The following PALLD variants were observed in gnomAD, a reference collection of about 807,000 sequenced individuals.
PALLD encodes the protein palladin, cytoskeletal associated protein.
Under a neutral mutation model 123.5 loss-of-function variants are expected in PALLD, and 61 were observed. The observed-to-expected ratio is 0.49, with a 90% CI of 0.40 to 0.61. PALLD has a LOEUF of 0.61. PALLD is among the 20% of genes least tolerant of loss of function. PALLD has a pLI of 0.00. For synonymous variants in PALLD, 465 were observed against 496.4 expected (o/e 0.94, Z 0.84); for missense variants, 1,273 against 1,377.0 (o/e 0.92, Z 1.20).
At chr4:168,680,016 C>T (rs974699968) in intron 3 of PALLD, among the ~76,000 whole-genome samples, 3 of 152,086 alleles carry the variant, frequency 2.0e-5, no homozygotes, top group African/African-American at 7.2e-5. Context: ...AAACATATCA[C>T]AGTAGAGTCA....
intron 2 of PALLD, among the ~76,000 whole-genome samples, chr4:168,541,608 A>T (rs2149510653): frequency 6.6e-6 from 1 of 152,024 alleles, no homozygotes; most frequent in Admixed American, 6.6e-5. Context: ...TCGCCACCAC[A>T]CCTGGCTAAT....
At chr4:168,606,663 C>CAAA (rs70961540) in intron 2 of PALLD, among the ~76,000 whole-genome samples, 10 of 92,070 alleles carry the variant, frequency 1.1e-4, no homozygotes, top group African/African-American at 2.5e-4. Context: ...GACTCCGTCT[C>CAAA]AAAAAAAAAA....
chr4:168,638,508 C>G (rs1194113368), intron 2 of PALLD, among the ~76,000 whole-genome samples: 1 of 152,162 alleles, frequency 6.6e-6, no homozygotes, highest in Non-Finnish European at 1.5e-5. Context: ...TCATCTTAAT[C>G]CATAGTTTAG....
rs187283355 is a variant in PALLD at position 168,755,499 on chromosome 4, G to A, written c.1964+43576G>A. Among the ~76,000 whole-genome samples the A allele has an allele frequency of 1.5e-4, 23 of 152,212 alleles. No homozygotes were observed. The East Asian group carries it at 4.3e-3, about 28-fold the overall frequency. On this transcript the variant is annotated intron_variant, in intron 10 of 21. Coordinates refer to ENST00000505667, the MANE Select transcript of PALLD (RefSeq NM_001166108.2). Reference sequence around the variant, plus strand: ...CTGTCAGAGTACATAGGGCATGATGGGGAAGGGGGATACAGTAGAAGATGA... The same window carrying A: ...CTGTCAGAGTACATAGGGCATGATGAGGAAGGGGGATACAGTAGAAGATGA...
chr4:168,883,075 C>CGA (rs1553966869), intron 10 of PALLD, among the ~76,000 whole-genome samples: 1 of 144,540 alleles, frequency 6.9e-6, no homozygotes, highest in Non-Finnish European at 1.5e-5. Flanking sequence ...GGTGACAGAG[C>CGA]AAAACTCTGT....
intron 2 of PALLD, among the ~76,000 whole-genome samples, chr4:168,614,824 C>T (rs1301054226): frequency 6.6e-6 from 1 of 152,168 alleles, no homozygotes; most frequent in Admixed American, 6.6e-5. Context: ...CGTTCCTCCC[C>T]AGTCCTGCAC....
intron 2 of PALLD, among the ~76,000 whole-genome samples, chr4:168,633,456 C>G (rs1438346604): frequency 6.6e-6 from 1 of 152,192 alleles, no homozygotes; most frequent in Non-Finnish European, 1.5e-5. Flanking sequence ...CTGAAAAGAT[C>G]ATAACTAGTA....
intron 10 of PALLD, among the ~76,000 whole-genome samples, chr4:168,761,654 T>TTTTTTTTTTTTTTTTTTTTTTTTTTTG (rs1732913577): frequency 2.6e-5 from 1 of 38,792 alleles, no homozygotes; most frequent in African/African-American, 1.1e-4. Flanking sequence ...TGTTTTTTTT[T>TTTTTTTTTTTTTTTTTTTTTTTTTTTG]TTTTTTTTTT....
chr4:168,690,804 A>C (rs1361577805), intron 7 of PALLD, 60 bp downstream of exon 7: 5 of 1,538,834 alleles, frequency 3.2e-6, no homozygotes, highest in Non-Finnish European at 4.5e-6. Flanking sequence ...GCTTCAAGAA[A>C]ACCAAGAAGG....
rs187071873 is a variant in PALLD at position 168,587,594 on chromosome 4, C to T, written c.908+75182C>T. On this transcript the variant is annotated intron_variant, in intron 2 of 21. Coordinates refer to ENST00000505667, the MANE Select transcript of PALLD (RefSeq NM_001166108.2). ...CTGTGCCAGCATCTCCCAACTTTTC[C>T]GTTTTTTCTCAAACCTCAGCTTGCC... Among the ~76,000 whole-genome samples the T allele has an allele frequency of 3.2e-4, 49 of 152,202 alleles. No individual in the cohort carries two copies. The East Asian group carries it at 6.6e-3, about 20-fold the overall frequency.
At chr4:168,753,964 G>T (rs1049886827) in intron 10 of PALLD, among the ~76,000 whole-genome samples, 4 of 152,088 alleles carry the variant, frequency 2.6e-5, no homozygotes, top group African/African-American at 9.7e-5. Flanking sequence ...GAGGTAATAG[G>T]TTATGCAACA....
At chr4:168,725,522 C>CTTTTTTTTT (rs1210834634) in intron 10 of PALLD, among the ~76,000 whole-genome samples, 30 of 91,656 alleles carry the variant, frequency 3.3e-4, no homozygotes, top group Non-Finnish European at 4.5e-4. Flanking sequence ...TCTTTAATTT[C>CTTTTTTTTT]TTTTTTTTTT....
chr4:168,663,649 C>T (rs1779338647), intron 2 of PALLD, among the ~76,000 whole-genome samples: 1 of 152,126 alleles, frequency 6.6e-6, no homozygotes. Flanking sequence ...CAGCAATGTC[C>T]TAGATGCAAA....
chr4:168,894,422 C>T, intron 11 of PALLD, 157 bp from the exon 12 acceptor site: 1 of 667,464 alleles, frequency 1.5e-6, no homozygotes, highest in Non-Finnish European at 2.7e-6. Flanking sequence ...GGTAGAACAA[C>T]TGAAGCAAGA....
intron 15 of PALLD, among the ~76,000 whole-genome samples, chr4:168,912,962 A>C (rs1279407603): frequency 6.6e-6 from 1 of 152,110 alleles, no homozygotes; most frequent in Admixed American, 6.6e-5. Flanking sequence ...TATGACCCAC[A>C]TATTTTAGGT....
intron 2 of PALLD, among the ~76,000 whole-genome samples, chr4:168,654,397 A>G (rs1425931957): frequency 2.0e-5 from 3 of 152,182 alleles, no homozygotes; most frequent in African/African-American, 7.2e-5. Context: ...TACAGGATAT[A>G]AGCACAAAAT....
At chr4:168,704,296 G>A (rs914438501) in intron 8 of PALLD, among the ~76,000 whole-genome samples, 1 of 152,012 alleles carries the variant, frequency 6.6e-6, no homozygotes, top group African/African-American at 2.4e-5. Flanking sequence ...GAAAACCTAG[G>A]CATTACCATT....
intron 2 of PALLD, among the ~76,000 whole-genome samples, chr4:168,606,470 C>G (rs568163492): frequency 8.7e-5 from 13 of 149,754 alleles, no homozygotes; most frequent in East Asian, 3.9e-4. Context: ...GTCAGGAGAT[C>G]GAGACCATCC....
intron 10 of PALLD, among the ~76,000 whole-genome samples, chr4:168,738,656 C>T (rs1183968250): frequency 7.0e-6 from 1 of 142,926 alleles, no homozygotes; most frequent in Non-Finnish European, 1.5e-5. Context: ...GCCTCGATCT[C>T]CTGACCTCAG....
Sources: allele counts gnomAD v4.1 joint callset (sites outside exome capture counted in the v4.1 genomes callset), GRCh38; gene constraint gnomAD v4.1.1; transcripts MANE v1.5; gene names NCBI Gene and HGNC (gene_info 2026-07-23, HGNC 2026-07-21).